Variants in CCS observed in about 807,000 individuals in gnomAD.
CCS encodes copper chaperone for superoxide dismutase, also known as superoxide dismutase copper chaperone.
CCS carries 32 observed loss-of-function variants against 35.5 expected under a neutral mutation model. That is an observed-to-expected ratio of 0.90 (90% CI 0.68 to 1.21). The LOEUF is 1.21. Among genes scored for constraint, CCS ranks in the 50% most tolerant of loss-of-function variants. CCS has a pLI of 0.00. For missense variants in CCS, 342 were observed against 375.4 expected, an observed-to-expected ratio of 0.91 and a Z score of 0.73; for synonymous variants, 130 against 147.2, an observed-to-expected ratio of 0.88 and a Z score of 0.84.
intron 5 of CCS, 65 bp from the exon 6 acceptor site, chr11:66,605,274 C>G (rs140238910): frequency 1.2e-6 from 2 of 1,604,224 alleles, no homozygotes; most frequent in Non-Finnish European, 1.7e-6. Flanking sequence ...ATCAGGAAAT[C>G]AGAAGATAGC....
intron 2 of CCS, among the ~76,000 whole-genome samples, chr11:66,596,655 C>T (rs942074656): frequency 2.6e-5 from 4 of 152,196 alleles, no homozygotes; most frequent in African/African-American, 9.7e-5. Flanking sequence ...GCTGGGATTA[C>T]AGGCATGAGC....
intron 2 of CCS, among the ~76,000 whole-genome samples, chr11:66,598,446 G>GCA (rs1858515959): frequency 6.8e-6 from 1 of 148,148 alleles, no homozygotes; most frequent in Admixed American, 6.9e-5. Context: ...CCCGGGAGAT[G>GCA]GAGGTTTCAG....
At chr11:66,596,230 C>T (rs1191044289) in intron 2 of CCS, among the ~76,000 whole-genome samples, 11 of 152,216 alleles carry the variant, frequency 7.2e-5, no homozygotes. Flanking sequence ...CCATGCCTGG[C>T]TAATTTTCAT....
intron 5 of CCS, among the ~76,000 whole-genome samples, chr11:66,601,976 C>T (rs564322493): frequency 4.3e-4 from 65 of 152,030 alleles, no homozygotes; most frequent in Non-Finnish European, 8.2e-4. Context: ...TCAAGTGATC[C>T]GCCTGCCTTG....
chr11:66,605,321 C>T lies in CCS; in HGVS notation c.490-18C>T, dbSNP rs780341185. On this transcript the variant is annotated intron_variant, in intron 5 of 7. Coordinates refer to ENST00000533244, the MANE Select transcript of CCS (RefSeq NM_005125.2). ...ACGTGGCACACATCCCCTATACACA[C>T]ACTGGATCTCATTCCAGCACCGCGG... 37 of 1,613,960 alleles carry T rather than the reference C, an allele frequency of 2.3e-5. No individual in the cohort carries two copies. The East Asian group carries it at 8.0e-4, about 35-fold the overall frequency.
At chr11:66,599,030 T>G in intron 2 of CCS, 86 bp from the exon 3 acceptor site, 141 of 1,533,986 alleles carry the variant, frequency 9.2e-5, no homozygotes, top group Middle Eastern at 1.7e-4. Context: ...GAAATGGGGA[T>G]GGAGAATTGC....
chr11:66,599,714 G>A (rs2134982093), intron 4 of CCS, 78 bp downstream of exon 4: 2 of 1,351,634 alleles, frequency 1.5e-6, no homozygotes, highest in South Asian at 1.3e-5. Flanking sequence ...ACTCTGTGAG[G>A]CACATACACA....
intron 5 of CCS, among the ~76,000 whole-genome samples, chr11:66,602,483 T>G (rs1858587534): frequency 1.3e-5 from 2 of 152,154 alleles, no homozygotes; most frequent in South Asian, 4.1e-4. Context: ...AGAGAGGGCG[T>G]CCAAGACTCA....
intron 1 of CCS, 67 bp downstream of exon 1, chr11:66,593,367 C>T: frequency 7.0e-7 from 1 of 1,431,496 alleles, no homozygotes. Flanking sequence ...ATGATCGTTA[C>T]CTTGGGAAGA....
chr11:66,600,566 G>C lies in CCS; in HGVS notation c.489+17G>C, dbSNP rs1858558179. 3 of 1,476,262 alleles carry C rather than the reference G, an allele frequency of 2.0e-6. 1 individual carries two copies. 91.4% of individuals were successfully genotyped at this position (1,476,262 alleles called of 1,614,324 possible). A position where few individuals can be genotyped will look rare whatever the true frequency, so the allele number is the denominator to read the frequency against. ...TCTGACCGGGTAAGTGTCTGTCTGGGTTTGGGCTTGGGCTGAGAGAGGACC... is the reference window on the plus strand; with the variant it reads ...TCTGACCGGGTAAGTGTCTGTCTGGCTTTGGGCTTGGGCTGAGAGAGGACC... On this transcript the variant is annotated intron_variant, in intron 5 of 7. Coordinates refer to ENST00000533244, the MANE Select transcript of CCS (RefSeq NM_005125.2).
At chr11:66,605,036 A>G (rs988510906) in intron 5 of CCS, 5 of 1,089,878 alleles carry the variant, frequency 4.6e-6, no homozygotes, top group African/African-American at 1.6e-5. Flanking sequence ...ATGACTGCAC[A>G]GGCAGGGGAA....
intron 2 of CCS, among the ~76,000 whole-genome samples, chr11:66,596,375 A>G (rs1330000461): frequency 4.1e-5 from 6 of 145,570 alleles, no homozygotes; most frequent in Non-Finnish European, 6.0e-5. Flanking sequence ...CCATCTGACA[A>G]CTGACTTTTT....
chr11:66,598,105 A>G (rs1209547726), intron 2 of CCS, among the ~76,000 whole-genome samples: 3 of 150,310 alleles, frequency 2.0e-5, no homozygotes, highest in African/African-American at 7.3e-5. Context: ...AAGAAAAAAA[A>G]TTCACCCATT....
Position 66,605,558 on chromosome 11 carries a change from C to A in CCS, c.637C>A (p.Pro213Thr). Residue 213 changes from proline to threonine, a missense_variant, in exon 7 of 8, where the codon CCC becomes ACC. Coordinates refer to ENST00000533244, the MANE Select transcript of CCS (RefSeq NM_005125.2). ...AGATGACCTGGGCCGGGGAGGCCAT[C>A]CCTTATCCAAGATCACAGGGAACTC... ...GEDDLGRGGH[P>T]LSKITGNSGE... 1 of 1,614,006 alleles carries A rather than the reference C, an allele frequency of 6.2e-7. No individual in the cohort carries two copies. The highest frequency in any genetic ancestry group is 1.6e-4 in the Middle Eastern group (1 of 6,062).
At position 66,605,966 on chromosome 11, in the gene CCS, C is replaced by T. The variant is rs1858653038; in HGVS notation, c.*111C>T. Reference sequence around the variant, plus strand: ...AGTCTTTGGAGAGCTCAGTACAGGGCAGGAGCTGCTGTGGTGTTCCCTTGG... The same window carrying T: ...AGTCTTTGGAGAGCTCAGTACAGGGTAGGAGCTGCTGTGGTGTTCCCTTGG... On this transcript the variant is annotated 3_prime_UTR_variant, in exon 8 of 8. Coordinates refer to ENST00000533244, the MANE Select transcript of CCS (RefSeq NM_005125.2). The T allele has an allele frequency of 6.1e-6, 7 of 1,154,140 alleles. No individual in the cohort carries two copies. The highest frequency in any genetic ancestry group is 8.1e-6 in the Non-Finnish European group (7 of 866,980). The allele number at this position is 1,154,140 out of a possible 1,614,324, so 71.5% of individuals were successfully genotyped here.
chr11:66,599,666 T>A, intron 4 of CCS, 30 bp downstream of exon 4: 1 of 1,598,132 alleles, frequency 6.3e-7, no homozygotes, highest in Non-Finnish European at 8.5e-7. Context: ...CCCAGTAGCA[T>A]TCTCAGCTAC....
rs988881204 is a variant in CCS at position 66,593,384 on chromosome 11, G to T, written c.39+84G>T. The T allele has an allele frequency of 2.9e-6, 4 of 1,377,362 alleles. No homozygotes were observed. The African/African-American group carries it at 4.4e-5, about 15-fold the overall frequency. The allele number at this position is 1,377,362 out of a possible 1,614,324, so 85.3% of individuals were successfully genotyped here. ...GATCGTTACCTTGGGAAGAGGAGAA[G>T]GAGTGGGCACTTGGGTTGGGGCCTG... On this transcript the variant is annotated intron_variant, in intron 1 of 7. Transcript: ENST00000533244.
rs951105505 is a variant in CCS, at chr11:66,605,357, A to G, written c.508A>G (p.Asn170Asp). ...ATTCCAGCACCGCGGAGACCTGGGC[A>G]ATGTCCGTGCTGATGCTGACGGCCG... ...DSDRHRGDLG[N>D]VRADADGRAI... The change falls in exon 6 of 8, where the codon AAT becomes GAT. Residue 170 changes from asparagine (N) to aspartate (D), a missense_variant. Transcript: ENST00000533244. 2 of 1,614,174 alleles carry G rather than the reference A, an allele frequency of 1.2e-6. No homozygotes were observed. The highest frequency in any genetic ancestry group is 1.7e-6 in the Non-Finnish European group (2 of 1,180,028).
intron 1 of CCS, 21 bp downstream of exon 1, chr11:66,593,321 T>TGGAGCCTCGCCGGGCAG: frequency 6.6e-7 from 1 of 1,510,366 alleles, no homozygotes; most frequent in Non-Finnish European, 8.9e-7. Context: ...AGGCTTCGTG[T>TGGAGCCTCGCCGGGCAG]GGAGCCTCGC....
Sources: gnomAD v4.1 joint callset for allele counts (sites outside exome capture counted in the v4.1 genomes callset) on GRCh38, gnomAD v4.1.1 for gene constraint, MANE v1.5 for transcripts, NCBI Gene and HGNC (gene_info 2026-07-23, HGNC 2026-07-21) for gene names.